ZFP64: variants seen among roughly 807,000 people sequenced by gnomAD.
ZFP64 encodes zinc finger protein 64.
In ZFP64, 14 loss-of-function variants were observed where a neutral mutation model predicts 51.6. The observed-to-expected ratio is 0.27, with a 90% CI of 0.18 to 0.42. ZFP64 has a LOEUF of 0.42. ZFP64 is among the 10% of genes least tolerant of loss of function. The probability of loss-of-function intolerance (pLI) is 1.00; values close to 1 mark genes in which losing one functional copy is unlikely to be tolerated. For missense variants in ZFP64, 754 were observed against 906.8 expected, an observed-to-expected ratio of 0.83 and a Z score of 2.16; for synonymous variants, 375 against 361.4, an observed-to-expected ratio of 1.04 and a Z score of -0.43.
chr20:52,117,682 G>C (rs1317550824), intron 5 of ZFP64: 3 of 456,710 alleles, frequency 6.6e-6, no homozygotes, highest in East Asian at 1.4e-4. Context: ...TGAACAGTAA[G>C]TTTGAGAAGT....
At chr20:52,088,571 C>T (rs781595030) in exon 8 of ZFP64, 18 of 1,614,022 alleles carry the variant, frequency 1.1e-5, no homozygotes, top group Non-Finnish European at 1.4e-5. Flanking sequence ...GGTGTGGCAC[C>T]GCATGTGCAT....
chr20:52,097,132 A>T, intron 7 of ZFP64: 1 of 770,972 alleles, frequency 1.3e-6, no homozygotes, highest in Non-Finnish European at 2.4e-6. Context: ...AAGCACCTTT[A>T]AGAAGCCACC....
chr20:52,110,011 C>T (rs1010268654), intron 5 of ZFP64, among the ~76,000 whole-genome samples: 1 of 152,076 alleles, frequency 6.6e-6, no homozygotes, highest in Non-Finnish European at 1.5e-5. Context: ...TTCTTTTCCA[C>T]TTAACCAAAA....
At chr20:52,119,438 C>A (rs950949828) in intron 5 of ZFP64, among the ~76,000 whole-genome samples, 1 of 150,450 alleles carries the variant, frequency 6.6e-6, no homozygotes, top group African/African-American at 2.4e-5. Context: ...GCAGGAGAAT[C>A]GCTTGAACCC....
At chr20:52,184,863 A>G (rs1983849167) in intron 2 of ZFP64, among the ~76,000 whole-genome samples, 1 of 152,030 alleles carries the variant, frequency 6.6e-6, no homozygotes, top group Non-Finnish European at 1.5e-5. Flanking sequence ...CCTGGCCTCA[A>G]GTGATCCTCC....
downstream of ZFP64, among the ~76,000 whole-genome samples, chr20:52,150,109 G>A (rs2122942642): frequency 6.6e-6 from 1 of 151,584 alleles, no homozygotes; most frequent in Non-Finnish European, 1.5e-5. Context: ...GGAGGCTGAG[G>A]CAGGAGAATG....
chr20:52,183,168 G>A lies in ZFP64; in HGVS notation c.286+3664C>T, dbSNP rs575428881. Among the ~76,000 whole-genome samples the A allele has an allele frequency of 2.6e-5, 4 of 152,270 alleles. No homozygotes were observed. The South Asian group carries it at 8.3e-4, about 32-fold the overall frequency. ...GGGGAGAGAAGGGGATTGTCCCCAG[G>A]AAGAATGCAGACCCTTTTTTGTGAA... On this transcript the variant is annotated intron_variant, in intron 2 of 5. Transcript: ENST00000216923.
At position 52,153,139 on chromosome 20, in the gene ZFP64, G is replaced by A. The variant is rs1981013302; in HGVS notation, c.1053C>T (p.Ser351=). 2 of 1,614,118 alleles carry A rather than the reference G, an allele frequency of 1.2e-6. No homozygotes were observed. The highest frequency in any genetic ancestry group is 1.7e-6 in the Non-Finnish European group (2 of 1,180,046). ...HPEKCSECSY[S]CSSKAALRIH... ...TGCGCAGGGCGGCCTTGCTGGAGCA[G>A]GAGTAGCTGCATTCCGAGCACTTCT... is the stretch of plus-strand genomic sequence containing the variant. The change falls in exon 6 of 6, where the codon TCC becomes TCT. Residue 351 remains serine, a synonymous_variant. Transcript: ENST00000216923. This position sits in a 1 kb window ranked among gnomAD's most constrained non-coding sequence, Gnocchi z 5.1.
chr20:52,110,480 A>G (rs1160314455), intron 5 of ZFP64: 1 of 681,194 alleles, frequency 1.5e-6, no homozygotes, highest in African/African-American at 1.8e-5. Context: ...TATGCTGGGA[A>G]GTCCTCTGCC....
At chr20:52,086,578 T>C (rs1382603091) in intron 8 of ZFP64, among the ~76,000 whole-genome samples, 2 of 151,516 alleles carry the variant, frequency 1.3e-5, no homozygotes, top group South Asian at 2.1e-4. Context: ...CCCAGGTTCA[T>C]GCCATTCTCC....
At chr20:52,096,252 G>A (rs1199609227) in intron 7 of ZFP64, among the ~76,000 whole-genome samples, 2 of 152,166 alleles carry the variant, frequency 1.3e-5, no homozygotes, top group African/African-American at 2.4e-5. Context: ...TCCCGCTCAT[G>A]TTCCCCTAGG....
intron 5 of ZFP64, among the ~76,000 whole-genome samples, chr20:52,133,189 G>A (rs1979804185): frequency 6.6e-6 from 1 of 152,074 alleles, no homozygotes; most frequent in East Asian, 1.9e-4. Flanking sequence ...AAAACGGGGT[G>A]TCAAAGGAAC....
At chr20:52,171,341 CA>C (rs1407861922) in intron 2 of ZFP64, among the ~76,000 whole-genome samples, 1 of 152,100 alleles carries the variant, frequency 6.6e-6, no homozygotes, top group Non-Finnish European at 1.5e-5. Context: ...CACTCATCCC[CA>C]GGGGGTGTGT....
At chr20:52,102,172 C>T (rs1319388083) in intron 5 of ZFP64, among the ~76,000 whole-genome samples, 2 of 149,522 alleles carry the variant, frequency 1.3e-5, no homozygotes, top group Non-Finnish European at 3.0e-5. Context: ...CCAATCTGTA[C>T]TTTAGCCAGA....
In ZFP64 at chr20:52,152,921, C is replaced by G. The variant is rs772446372; in HGVS notation, c.1271G>C (p.Ser424Thr). Residue 424 changes from serine (S) to threonine (T), a missense_variant, in exon 6 of 6, where the codon AGT becomes ACT. Coordinates refer to ENST00000216923, the MANE Select transcript of ZFP64 (RefSeq NM_018197.3). ...RQVAKLDAKK[S>T]FHCDICDASF... Reference sequence around the variant, plus strand: ...GGCATCGCATATATCGCAGTGGAAACTCTTCTTGGCATCCAGCTTGGCCAC... The same window carrying G: ...GGCATCGCATATATCGCAGTGGAAAGTCTTCTTGGCATCCAGCTTGGCCAC... The G allele has an allele frequency of 4.3e-6, 7 of 1,613,740 alleles. No individual in the cohort carries two copies. Among genetic ancestry groups the G allele is most frequent in the Admixed American group, 3.3e-5 (2 of 60,008 alleles).
chr20:52,139,296 C>G (rs370028465), intron 5 of ZFP64, among the ~76,000 whole-genome samples: 1 of 152,242 alleles, frequency 6.6e-6, no homozygotes, highest in African/African-American at 2.4e-5. Context: ...AAATGTGGTA[C>G]GTACAGCATG....
intron 2 of ZFP64, among the ~76,000 whole-genome samples, chr20:52,166,748 C>T (rs934152384): frequency 6.6e-6 from 1 of 152,130 alleles, no homozygotes; most frequent in African/African-American, 2.4e-5. Context: ...CCCTAGACTT[C>T]TTAAATAAAC....
At chr20:52,146,814 G>A (rs922364814), downstream of ZFP64, among the ~76,000 whole-genome samples, 1 of 152,126 alleles carries the variant, frequency 6.6e-6, no homozygotes, top group Admixed American at 6.5e-5. Context: ...ATGCTCTTAT[G>A]TAGCACATGA....
downstream of ZFP64, chr20:52,151,205 T>A: frequency 3.0e-6 from 3 of 984,828 alleles, no homozygotes; most frequent in South Asian, 9.4e-5. Context: ...TGCTTCAGTT[T>A]GTTTTTGATT....
Sources: allele counts gnomAD v4.1 joint callset (sites outside exome capture counted in the v4.1 genomes callset), GRCh38; gene constraint gnomAD v4.1.1; non-coding constraint Gnocchi (gnomAD v3.1); transcripts MANE v1.5; gene names NCBI Gene and HGNC (gene_info 2026-07-23, HGNC 2026-07-21).